ZNF385D: variants seen among roughly 807,000 people sequenced by gnomAD.
ZNF385D encodes zinc finger protein 385D.
In ZNF385D, 15 loss-of-function variants were observed where a neutral mutation model predicts 35.8. The ratio of observed to expected loss-of-function variants is 0.42; its 90% CI spans 0.28 to 0.64. The LOEUF (loss-of-function observed/expected upper bound fraction) is 0.64, where lower values mean the gene tolerates loss of function less well. Among genes scored for constraint, ZNF385D ranks in the 30% least tolerant of loss-of-function variants. The probability of loss-of-function intolerance (pLI) is 0.23; values close to 1 mark genes in which losing one functional copy is unlikely to be tolerated. For synonymous variants in ZNF385D, 212 were observed against 186.8 expected (o/e 1.13, Z -1.10); for missense variants, 474 against 494.6 (o/e 0.96, Z 0.39).
At chr3:21,752,040 A>C (rs1429832073), upstream of ZNF385D, among the ~76,000 whole-genome samples, 1 of 126,694 alleles carries the variant, frequency 7.9e-6, no homozygotes, top group African/African-American at 2.9e-5. Context: ...CACACACACA[A>C]CGCTCTCATT....
At chr3:22,022,070 G>A (rs1012193417) in intron 3 of ZNF385D, among the ~76,000 whole-genome samples, 7 of 152,070 alleles carry the variant, frequency 4.6e-5, no homozygotes, top group African/African-American at 1.7e-4. Context: ...TTGAGTGTGA[G>A]TAAAATTGTA....
intron 2 of ZNF385D, among the ~76,000 whole-genome samples, chr3:22,241,186 T>G (rs1699474074): frequency 1.3e-5 from 2 of 151,194 alleles, no homozygotes; most frequent in South Asian, 4.3e-4. Flanking sequence ...ATTTTTCTCC[T>G]TTCCCCAAAA....
intron 3 of ZNF385D, among the ~76,000 whole-genome samples, chr3:22,066,768 T>C (rs138437380): frequency 1.3e-5 from 2 of 152,288 alleles, no homozygotes; most frequent in African/African-American, 4.8e-5. Context: ...GTTTCCTAGT[T>C]GGTTGTTCAT....
chr3:21,641,590 C>T (rs1435010227), intron 2 of ZNF385D, among the ~76,000 whole-genome samples: 1 of 145,444 alleles, frequency 6.9e-6, no homozygotes, highest in East Asian at 2.1e-4. Flanking sequence ...TATGACTGGA[C>T]AATGTAAAAT....
At chr3:21,978,469 T>C (rs1703778183) in intron 3 of ZNF385D, among the ~76,000 whole-genome samples, 1 of 152,264 alleles carries the variant, frequency 6.6e-6, no homozygotes, top group Admixed American at 6.5e-5. Flanking sequence ...ATGCCATCAC[T>C]GGCAAAAGTA....
intron 1 of ZNF385D, among the ~76,000 whole-genome samples, chr3:21,705,039 A>C (rs2067848103): frequency 1.3e-5 from 2 of 152,348 alleles, no homozygotes; most frequent in Non-Finnish European, 2.9e-5. Flanking sequence ...GACATGTATT[A>C]TCATTCAAGA....
At chr3:21,891,717 G>A (rs993330431) in intron 3 of ZNF385D, among the ~76,000 whole-genome samples, 1 of 152,166 alleles carries the variant, frequency 6.6e-6, no homozygotes, top group Non-Finnish European at 1.5e-5. Flanking sequence ...GAGAGGCCTT[G>A]ACGTTTTCTA....
At chr3:22,159,141 A>C (rs1050751160) in intron 3 of ZNF385D, among the ~76,000 whole-genome samples, 2 of 151,982 alleles carry the variant, frequency 1.3e-5, no homozygotes, top group Admixed American at 1.3e-4. Flanking sequence ...ACATTAAAAA[A>C]AATTCTGCAC....
intron 2 of ZNF385D, among the ~76,000 whole-genome samples, chr3:22,218,443 TTATA>T (rs1169425804): frequency 6.6e-6 from 1 of 151,968 alleles, no homozygotes; most frequent in African/African-American, 2.4e-5. Flanking sequence ...CCCCTTGAAT[TTATA>T]TATAAATATA....
At chr3:22,217,442 C>T (rs942959271) in intron 2 of ZNF385D, among the ~76,000 whole-genome samples, 6 of 152,096 alleles carry the variant, frequency 3.9e-5, no homozygotes, top group African/African-American at 1.4e-4. Context: ...ATTCCAAGTA[C>T]ATTTTAATAC....
intron 3 of ZNF385D, among the ~76,000 whole-genome samples, chr3:22,014,867 A>G (rs999797016): frequency 2.0e-5 from 3 of 152,154 alleles, no homozygotes; most frequent in Admixed American, 6.6e-5. Context: ...TGTACAAAAT[A>G]TTTAAAAATT....
Position 21,900,561 on chromosome 3 carries a change from T to C in ZNF385D, c.326-235533A>G, listed in dbSNP as rs76890042. Among the ~76,000 whole-genome samples, 376 of 152,210 alleles carry C rather than the reference T, an allele frequency of 2.5e-3. 1 individual carries two copies. The highest frequency in any genetic ancestry group is 8.5e-3 in the African/African-American group (354 of 41,538). On this transcript the variant is annotated intron_variant, in intron 3 of 5. Transcript: ENST00000494108. The stretch of plus-strand genomic sequence containing the variant: ...ACTTTATTAGTGTTCATTTAGGTTC[T>C]TAGAAAAATAGCAAAACAAAGCAAT...
chr3:21,617,906 C>A (rs1034737047), intron 2 of ZNF385D, among the ~76,000 whole-genome samples: 1 of 152,118 alleles, frequency 6.6e-6, no homozygotes. Flanking sequence ...CTGTAGCTGA[C>A]AAACCCTTAA....
At position 21,887,159 on chromosome 3, in the gene ZNF385D, C is replaced by A. The variant is rs745758330; in HGVS notation, c.326-222131G>T. Reference sequence around the variant, plus strand: ...TACCTTTGAGAAATTTGTATGAGGACAGGACTTTAATGGATTTCCGTAGTT... The same window carrying A: ...TACCTTTGAGAAATTTGTATGAGGAAAGGACTTTAATGGATTTCCGTAGTT... On this transcript the variant is annotated intron_variant, in intron 3 of 5. Transcript: ENST00000494108. 6.8e-4 allele frequency among the ~76,000 whole-genome samples: 104 copies of A among 152,078 alleles called. 1 individual carries two copies. The highest frequency in any genetic ancestry group is 1.2e-3 in the Non-Finnish European group (83 of 68,028).
intron 3 of ZNF385D, among the ~76,000 whole-genome samples, chr3:22,035,589 G>A (rs1475688436): frequency 2.0e-5 from 3 of 152,144 alleles, no homozygotes; most frequent in African/African-American, 4.8e-5. Context: ...TTGATGAATT[G>A]TCATAATGGT....
intron 2 of ZNF385D, among the ~76,000 whole-genome samples, chr3:21,615,741 G>C (rs1439145512): frequency 2.0e-5 from 3 of 150,416 alleles, no homozygotes; most frequent in Non-Finnish European, 4.4e-5. Context: ...ATCTTATAAG[G>C]CCTCCCCTAT....
At chr3:21,825,690 G>T (rs1694561300) in intron 3 of ZNF385D, among the ~76,000 whole-genome samples, 1 of 152,182 alleles carries the variant, frequency 6.6e-6, no homozygotes, top group African/African-American at 2.4e-5. Flanking sequence ...TGGAAAAGGA[G>T]AATGAAATTT....
At chr3:21,687,134 A>T (rs1013570659) in intron 1 of ZNF385D, among the ~76,000 whole-genome samples, 5 of 152,168 alleles carry the variant, frequency 3.3e-5, no homozygotes, top group Non-Finnish European at 2.9e-5. Flanking sequence ...GTAAGAGGTT[A>T]TACAAACGGA....
At chr3:21,422,670 A>G (rs1436830808) in intron 7 of ZNF385D, among the ~76,000 whole-genome samples, 2 of 152,232 alleles carry the variant, frequency 1.3e-5, no homozygotes, top group Non-Finnish European at 2.9e-5. Flanking sequence ...CTCTGGGATG[A>G]GAGGTTGGTT....
Sources: gnomAD v4.1 joint callset for allele counts (sites outside exome capture counted in the v4.1 genomes callset) on GRCh38, gnomAD v4.1.1 for gene constraint, MANE v1.5 for transcripts, NCBI Gene and HGNC (gene_info 2026-07-23, HGNC 2026-07-21) for gene names.